CACNA1C: variants seen among roughly 807,000 people sequenced by gnomAD.
CACNA1C encodes the protein voltage-dependent L-type calcium channel subunit alpha-1C.
A neutral mutation model predicts 229.0 loss-of-function variants in CACNA1C; 30 were observed. The ratio of observed to expected loss-of-function variants is 0.13; its 90% CI spans 0.10 to 0.18. CACNA1C has a LOEUF of 0.18. CACNA1C is among the 10% of genes least tolerant of loss of function. The probability of loss-of-function intolerance (pLI) is 1.00; values close to 1 mark genes in which losing one functional copy is unlikely to be tolerated. For synonymous variants in CACNA1C, 1,114 were observed against 1,132.5 expected (o/e 0.98, Z 0.33); for missense variants, 1,658 against 2,845.0 (o/e 0.58, Z 9.49).
In CACNA1C at chr12:2,619,910, C is replaced by T. The variant is rs117029941; in HGVS notation, c.3828+7897C>T. Among the ~76,000 whole-genome samples the T allele has an allele frequency of 1.2e-3, 176 of 152,234 alleles. 3 individuals are homozygous for T. In the East Asian group the frequency reaches 0.03, roughly 26 times the overall value. On this transcript the variant is annotated intron_variant, in intron 29 of 46. Coordinates refer to ENST00000399655, the MANE Select transcript of CACNA1C (RefSeq NM_000719.7). ...GGGCGACTTTGGCCCACTCTTGAGA[C>T]TTGTAGCATCCCCAGTTCACCCTCT...
intron 3 of CACNA1C, among the ~76,000 whole-genome samples, chr12:2,122,209 C>T (rs118114122): frequency 0.016 from 2,443 of 152,180 alleles, 51 homozygotes; most frequent in Admixed American, 0.061. Flanking sequence ...TATCACATCA[C>T]AGAGTGATGG....
chr12:2,073,771 T>C (rs1270443240), intron 1 of CACNA1C, among the ~76,000 whole-genome samples: 2 of 152,186 alleles, frequency 1.3e-5, no homozygotes, highest in Non-Finnish European at 2.9e-5. Flanking sequence ...CAGGAGGAAT[T>C]AGTAAGATGG....
intron 1 of CACNA1C, among the ~76,000 whole-genome samples, chr12:2,088,384 C>T (rs77618604): frequency 0.019 from 2,929 of 152,200 alleles, 101 homozygotes; most frequent in African/African-American, 0.066. Context: ...CTCTAGAGGC[C>T]GTGAACACGG....
chr12:2,623,957 A>G (rs1036944233), intron 29 of CACNA1C, among the ~76,000 whole-genome samples: 1 of 152,234 alleles, frequency 6.6e-6, no homozygotes, highest in Non-Finnish European at 1.5e-5. Flanking sequence ...CGTGCTCAGC[A>G]GGACTTAGCA....
At chr12:2,195,284 C>G (rs1053625150) in intron 3 of CACNA1C, among the ~76,000 whole-genome samples, 4 of 152,318 alleles carry the variant, frequency 2.6e-5, no homozygotes, top group Admixed American at 2.0e-4. Flanking sequence ...CCACGCCCCT[C>G]CCTGTGGAAG....
intron 1 of CACNA1C, among the ~76,000 whole-genome samples, chr12:2,026,430 A>G (rs2047337068): frequency 1.3e-5 from 2 of 152,228 alleles, no homozygotes; most frequent in Non-Finnish European, 2.9e-5. Context: ...GCCTCAAGTC[A>G]GATGGATCAG....
At chr12:2,103,082 T>A (rs1166601892) in intron 1 of CACNA1C, among the ~76,000 whole-genome samples, 1 of 152,244 alleles carries the variant, frequency 6.6e-6, no homozygotes, top group East Asian at 1.9e-4. Flanking sequence ...TGATTTATAA[T>A]CCTTTGGCTA....
intron 1 of CACNA1C, among the ~76,000 whole-genome samples, chr12:1,993,665 T>C (rs1397459278): frequency 6.6e-6 from 1 of 152,046 alleles, no homozygotes; most frequent in African/African-American, 2.4e-5. Context: ...TGTATACAGA[T>C]GTTGTTTATT....
intron 3 of CACNA1C, among the ~76,000 whole-genome samples, chr12:2,355,908 G>A (rs1273406520): frequency 6.6e-6 from 1 of 152,166 alleles, no homozygotes; most frequent in Non-Finnish European, 1.5e-5. Context: ...CTCCGTGTCT[G>A]TTCAGCTCCT....
intron 1 of CACNA1C, among the ~76,000 whole-genome samples, chr12:1,995,736 C>T (rs990062734): frequency 1.6e-4 from 25 of 152,376 alleles, no homozygotes; most frequent in Admixed American, 1.2e-3. Context: ...TTCCAGCTGA[C>T]TCATCTGTAT....
intron 1 of CACNA1C, among the ~76,000 whole-genome samples, chr12:2,101,177 C>A (rs1345631844): frequency 6.6e-6 from 1 of 152,096 alleles, no homozygotes; most frequent in East Asian, 1.9e-4. Context: ...GCATTGATTT[C>A]TCTAACCATT....
chr12:2,302,867 C>A (rs1053179528), intron 3 of CACNA1C, among the ~76,000 whole-genome samples: 3 of 152,246 alleles, frequency 2.0e-5, no homozygotes, highest in African/African-American at 7.2e-5. Context: ...GGGAGCCTCT[C>A]GGCTCCATCC....
chr12:2,107,271 C>T (rs1167744467), intron 1 of CACNA1C, among the ~76,000 whole-genome samples: 1 of 142,838 alleles, frequency 7.0e-6, no homozygotes, highest in East Asian at 2.2e-4. Context: ...GAGTTTCCAC[C>T]TCAGCTGGGC....
At chr12:2,076,249 G>A (rs141873738) in intron 1 of CACNA1C, among the ~76,000 whole-genome samples, 6 of 152,244 alleles carry the variant, frequency 3.9e-5, no homozygotes, top group South Asian at 4.1e-4. Context: ...CAACCCACCC[G>A]CAGACGTAAC....
chr12:2,431,271 TG>T (rs2099081938), intron 3 of CACNA1C, among the ~76,000 whole-genome samples: 1 of 152,164 alleles, frequency 6.6e-6, no homozygotes, highest in African/African-American at 2.4e-5. Flanking sequence ...TGTAGGTAGT[TG>T]TAGGAGAACC....
chr12:2,165,294 A>G (rs1052395112), intron 3 of CACNA1C, among the ~76,000 whole-genome samples: 2 of 152,240 alleles, frequency 1.3e-5, no homozygotes, highest in Non-Finnish European at 1.5e-5. Flanking sequence ...TTAACAAGAC[A>G]CTTCATTCTT....
chr12:2,372,583 TCCA>T (rs1358503802), intron 3 of CACNA1C, among the ~76,000 whole-genome samples: 1 of 151,654 alleles, frequency 6.6e-6, no homozygotes, highest in Non-Finnish European at 1.5e-5. Context: ...CCTTTCATCC[TCCA>T]CATTACCAAA....
chr12:2,473,357 T>A (rs2099603169), intron 5 of CACNA1C, among the ~76,000 whole-genome samples: 1 of 152,226 alleles, frequency 6.6e-6, no homozygotes, highest in Admixed American at 6.5e-5. Context: ...CATTCCAACC[T>A]GATTTCTGCC....
chr12:2,612,069 G>C (rs532062794), intron 29 of CACNA1C, 56 bp downstream of exon 29: 1 of 1,048,030 alleles, frequency 9.5e-7, no homozygotes, highest in South Asian at 1.3e-5. Flanking sequence ...ACAGAACGGG[G>C]AGGTGGGGTG....
Sources: allele counts gnomAD v4.1 joint callset (sites outside exome capture counted in the v4.1 genomes callset), GRCh38; gene constraint gnomAD v4.1.1; transcripts MANE v1.5; gene names NCBI Gene and HGNC (gene_info 2026-07-23, HGNC 2026-07-21).